Variants in BBS9 observed in about 807,000 individuals in gnomAD.
The protein encoded by BBS9 is protein PTHB1.
In BBS9, 89 loss-of-function variants were observed where a neutral mutation model predicts 117.7. The observed-to-expected ratio is 0.76, with a 90% CI of 0.64 to 0.90. BBS9 has a LOEUF of 0.90. BBS9 is among the 40% of genes least tolerant of loss of function. The probability of loss-of-function intolerance (pLI) is 0.00; values close to 1 mark genes in which losing one functional copy is unlikely to be tolerated. For synonymous variants in BBS9, 379 were observed against 370.9 expected (o/e 1.02, Z -0.25); for missense variants, 982 against 1,042.2 (o/e 0.94, Z 0.80).
At chr7:33,528,294 A>G (rs1297209238) in intron 20 of BBS9, among the ~76,000 whole-genome samples, 1 of 152,094 alleles carries the variant, frequency 6.6e-6, no homozygotes, top group African/African-American at 2.4e-5. Context: ...TCCTGCCACA[A>G]AATCTCCATT....
intron 20 of BBS9, among the ~76,000 whole-genome samples, chr7:33,528,518 T>C (rs1850033228): frequency 1.3e-5 from 2 of 152,206 alleles, no homozygotes; most frequent in Non-Finnish European, 2.9e-5. Context: ...AAAAAAAGTT[T>C]AAGGATATTA....
intron 6 of BBS9, 87 bp downstream of exon 6, chr7:33,257,497 C>T (rs1376576726): frequency 9.3e-6 from 7 of 756,530 alleles, no homozygotes; most frequent in Admixed American, 6.3e-5. Flanking sequence ...GCTTCAATAT[C>T]ACAAATGAAA....
intron 9 of BBS9, among the ~76,000 whole-genome samples, chr7:33,307,182 A>G (rs904220684): frequency 9.2e-5 from 14 of 152,194 alleles, no homozygotes; most frequent in Non-Finnish European, 4.4e-5. Flanking sequence ...AGTAACAAAA[A>G]TAAGATTTTC....
chr7:33,560,748 T>G (rs1271908734), intron 21 of BBS9, among the ~76,000 whole-genome samples: 1 of 152,204 alleles, frequency 6.6e-6, no homozygotes, highest in Non-Finnish European at 1.5e-5. Context: ...TGTTTATTCT[T>G]AAGCATCTCT....
intron 9 of BBS9, among the ~76,000 whole-genome samples, chr7:33,305,106 C>G (rs957393205): frequency 6.7e-6 from 1 of 149,736 alleles, no homozygotes; most frequent in Non-Finnish European, 1.5e-5. Context: ...TCCCCCTCTC[C>G]GAGAAACACC....
rs35407590 is a variant in BBS9, at chr7:33,231,428, C to CTTTTTTTTTTTTTTTTTTTTTTTTTTTT, written c.443-25791_443-25790insTTTTTTTTTTTTTTTTTTTTTTTTTTTT. Among the ~76,000 whole-genome samples, 255 of 106,324 alleles carry CTTTTTTTTTTTTTTTTTTTTTTTTTTTT rather than the reference C, an allele frequency of 2.4e-3. 4 individuals carry two copies. The highest frequency in any genetic ancestry group is 3.3e-3 in the Non-Finnish European group (169 of 51,760). The allele number at this position is 106,324 out of a possible 152,430, so 69.8% of individuals were successfully genotyped here. A position where few individuals can be genotyped will look rare whatever the true frequency, so the allele number is the denominator to read the frequency against. On this transcript the variant is annotated intron_variant, in intron 5 of 22. Coordinates refer to ENST00000242067, the MANE Select transcript of BBS9 (RefSeq NM_198428.3). ...TATTCTGTTCCTCTGGCCTATGTGT[C>CTTTTTTTTTTTTTTTTTTTTTTTTTTTT]TTTTTTTTTTTTTTTTTGCCAGGAC... is the stretch of plus-strand genomic sequence containing the variant.
chr7:33,604,548 T>C (rs1864293898), intron 21 of BBS9, among the ~76,000 whole-genome samples: 1 of 152,186 alleles, frequency 6.6e-6, no homozygotes, highest in Non-Finnish European at 1.5e-5. Flanking sequence ...CGAGGGGCCT[T>C]TATATTCTGG....
chr7:33,356,634 A>T (rs1819658490), intron 15 of BBS9, among the ~76,000 whole-genome samples: 1 of 151,912 alleles, frequency 6.6e-6, no homozygotes, highest in African/African-American at 2.4e-5. Flanking sequence ...ATATATCAAT[A>T]TGCTTGCCAT....
At chr7:33,527,907 G>T (rs112164947) in intron 20 of BBS9, among the ~76,000 whole-genome samples, 1 of 152,112 alleles carries the variant, frequency 6.6e-6, no homozygotes, top group African/African-American at 2.4e-5. Flanking sequence ...TCCTGAAAAG[G>T]CCCTGTACTT....
At chr7:33,344,696 C>T (rs1314763135) in intron 12 of BBS9, 62 bp downstream of exon 12, 6 of 1,499,054 alleles carry the variant, frequency 4.0e-6, no homozygotes, top group Middle Eastern at 1.7e-4. Context: ...TTACATCTGT[C>T]ACTGTTGAGA....
intron 5 of BBS9, among the ~76,000 whole-genome samples, chr7:33,194,683 T>C (rs1202305190): frequency 1.3e-5 from 2 of 152,200 alleles, no homozygotes; most frequent in Non-Finnish European, 2.9e-5. Context: ...CAGATTGTTA[T>C]TGGCTTTTAA....
At chr7:33,455,525 A>G (rs970973837) in intron 19 of BBS9, among the ~76,000 whole-genome samples, 2 of 152,170 alleles carry the variant, frequency 1.3e-5, no homozygotes, top group African/African-American at 2.4e-5. Context: ...TCCTATTTCA[A>G]AATATTGCCT....
chr7:33,338,482 T>C (rs1190472089), intron 10 of BBS9, among the ~76,000 whole-genome samples: 2 of 152,286 alleles, frequency 1.3e-5, no homozygotes, highest in South Asian at 2.1e-4. Context: ...ACAAAAAATG[T>C]TCATAGCCTT....
chr7:33,283,549 G>A (rs373433519), intron 9 of BBS9, among the ~76,000 whole-genome samples: 39 of 151,642 alleles, frequency 2.6e-4, no homozygotes, highest in African/African-American at 5.8e-4. Flanking sequence ...TTTCAACCCC[G>A]TATCTTTTGA....
chr7:33,208,799 GTT>G (rs67276013), intron 5 of BBS9, among the ~76,000 whole-genome samples: 87 of 149,978 alleles, frequency 5.8e-4, no homozygotes, highest in African/African-American at 2.1e-3. Context: ...GGAAAATTCT[GTT>G]TTTTTTTTTA....
At chr7:33,336,359 T>C in intron 9 of BBS9, 82 bp from the exon 10 acceptor site, 2 of 1,026,570 alleles carry the variant, frequency 1.9e-6, no homozygotes, top group South Asian at 2.7e-5. Flanking sequence ...GTGTTGATGC[T>C]GAATTGAGTA....
intron 20 of BBS9, among the ~76,000 whole-genome samples, chr7:33,519,207 C>T (rs1848247428): frequency 1.3e-5 from 2 of 152,132 alleles, no homozygotes. Flanking sequence ...TTATTAAGGA[C>T]ACATCATTGT....
At chr7:33,280,727 G>A (rs1340615271) in intron 9 of BBS9, among the ~76,000 whole-genome samples, 2 of 152,082 alleles carry the variant, frequency 1.3e-5, no homozygotes, top group East Asian at 1.9e-4. Flanking sequence ...GTCAGGGGAA[G>A]AGCTGTGGCT....
At chr7:33,369,729 C>T (rs1459227374) in intron 17 of BBS9, among the ~76,000 whole-genome samples, 2 of 152,140 alleles carry the variant, frequency 1.3e-5, no homozygotes, top group African/African-American at 4.8e-5. Context: ...GATGTTGGTG[C>T]TCCTACTGCT....
Sources: allele counts gnomAD v4.1 joint callset (sites outside exome capture counted in the v4.1 genomes callset), GRCh38; gene constraint gnomAD v4.1.1; transcripts MANE v1.5; gene names NCBI Gene and HGNC (gene_info 2026-07-23, HGNC 2026-07-21).